The following CYP39A1 variants were observed in gnomAD, a reference collection of about 807,000 sequenced individuals.
CYP39A1 encodes 24-hydroxycholesterol 7-alpha-hydroxylase.
CYP39A1 carries 49 observed loss-of-function variants against 58.1 expected under a neutral mutation model. That is an observed-to-expected ratio of 0.84 (90% CI 0.67 to 1.07). The LOEUF (loss-of-function observed/expected upper bound fraction) is 1.07. Ranked by LOEUF, CYP39A1 falls within the 50% of genes least tolerant of loss-of-function variation. The probability of loss-of-function intolerance (pLI) is 0.00; values close to 1 mark genes in which losing one functional copy is unlikely to be tolerated. For missense variants in CYP39A1, 531 were observed against 539.4 expected (o/e 0.98, Z 0.16); for synonymous variants, 209 against 187.6 (o/e 1.11, Z -0.93).
intron 7 of CYP39A1, among the ~76,000 whole-genome samples, chr6:46,614,500 G>A (rs1257334640): frequency 6.6e-6 from 1 of 152,052 alleles, no homozygotes; most frequent in Non-Finnish European, 1.5e-5. Context: ...AAAGTCCACT[G>A]TACATTGATC....
intron 7 of CYP39A1, among the ~76,000 whole-genome samples, chr6:46,602,413 C>A (rs1281236319): frequency 1.3e-5 from 2 of 152,014 alleles, no homozygotes; most frequent in Non-Finnish European, 2.9e-5. Flanking sequence ...TGCAGGGATC[C>A]AAAAGTTTCT....
At chr6:46,606,434 G>A (rs539438602) in intron 7 of CYP39A1, among the ~76,000 whole-genome samples, 7 of 152,170 alleles carry the variant, frequency 4.6e-5, no homozygotes, top group South Asian at 4.2e-4. Context: ...AAATAGCTCC[G>A]TACCCATACT....
intron 7 of CYP39A1, among the ~76,000 whole-genome samples, chr6:46,606,921 A>G (rs943381906): frequency 2.0e-5 from 3 of 152,208 alleles, no homozygotes; most frequent in Non-Finnish European, 4.4e-5. Context: ...TATAAGAGAT[A>G]GGGAGGAAAT....
At chr6:46,608,301 G>T (rs978804353) in intron 7 of CYP39A1, among the ~76,000 whole-genome samples, 2 of 152,128 alleles carry the variant, frequency 1.3e-5, no homozygotes, top group Non-Finnish European at 2.9e-5. Flanking sequence ...TAACTGTTCA[G>T]ATTTCTGGCT....
At position 46,652,813 on chromosome 6, in the gene CYP39A1, A is replaced by T; in HGVS notation, c.-231T>A. 1 of 496,176 alleles carries T rather than the reference A, an allele frequency of 2.0e-6. No homozygotes were observed. The highest frequency in any genetic ancestry group is 3.4e-5 in the South Asian group (1 of 29,354). 30.7% of individuals were successfully genotyped at this position (496,176 alleles called of 1,614,324 possible). ...CTTTGAATCTCAGCCAGCGCGGAAA[A>T]AATGCAAGGAGGGGCAGGGCCGGGC... On this transcript the variant is annotated 5_prime_UTR_variant, in exon 1 of 12. Transcript: ENST00000275016.
chr6:46,551,604 T>C (rs1351052713), intron 11 of CYP39A1, among the ~76,000 whole-genome samples: 3 of 152,198 alleles, frequency 2.0e-5, no homozygotes, highest in African/African-American at 7.2e-5. Flanking sequence ...TAAGGCCTTT[T>C]GAGGTAAAAT....
At chr6:46,623,302 T>C (rs9296501) in intron 7 of CYP39A1, among the ~76,000 whole-genome samples, 29,051 of 152,004 alleles carry the variant, frequency 0.19, 2,988 homozygotes, top group African/African-American at 0.27. Flanking sequence ...CCCTCCTATA[T>C]GTGGGTGGGT....
chr6:46,583,402 A>C (rs540209509), intron 10 of CYP39A1: 1 of 985,218 alleles, frequency 1.0e-6, no homozygotes, highest in Non-Finnish European at 1.2e-6. Context: ...AAGATCATCA[A>C]CTCTCAGAGG....
At chr6:46,607,201 C>A (rs1773899832) in intron 7 of CYP39A1, among the ~76,000 whole-genome samples, 2 of 151,982 alleles carry the variant, frequency 1.3e-5, no homozygotes, top group Admixed American at 1.3e-4. Flanking sequence ...AGAACACACA[C>A]AAAAAATACC....
chr6:46,603,459 C>G (rs780600529), intron 7 of CYP39A1, among the ~76,000 whole-genome samples: 1 of 152,148 alleles, frequency 6.6e-6, no homozygotes, highest in Non-Finnish European at 1.5e-5. Context: ...ATCAAAGACC[C>G]AAAAGAATGC....
chr6:46,630,416 A>T (rs192608898), intron 6 of CYP39A1, among the ~76,000 whole-genome samples: 126 of 152,278 alleles, frequency 8.3e-4, no homozygotes, highest in Non-Finnish European at 9.7e-4. Flanking sequence ...TGGGAGGTTC[A>T]CATACATTAT....
chr6:46,583,399 T>C, intron 10 of CYP39A1: 1 of 985,380 alleles, frequency 1.0e-6, no homozygotes, highest in Non-Finnish European at 1.2e-6. Context: ...CCTAAGATCA[T>C]CAACTCTCAG....
Position 46,652,817 on chromosome 6 carries a change from G to C in CYP39A1, c.-235C>G, listed in dbSNP as rs890015235. 4.0e-6 allele frequency: 2 copies of C among 496,764 alleles called. No individual in the cohort carries two copies. The highest frequency in any genetic ancestry group is 6.7e-5 in the East Asian group (2 of 29,680). The allele number at this position is 496,764 out of a possible 1,614,324, so 30.8% of individuals were successfully genotyped here. ...GAATCTCAGCCAGCGCGGAAAAAAT[G>C]CAAGGAGGGGCAGGGCCGGGCTAGG... On this transcript the variant is annotated 5_prime_UTR_variant, in exon 1 of 12. Transcript: ENST00000275016.
intron 10 of CYP39A1, among the ~76,000 whole-genome samples, chr6:46,562,903 G>T (rs113195297): frequency 6.6e-6 from 1 of 151,818 alleles, no homozygotes; most frequent in African/African-American, 2.4e-5. Flanking sequence ...TGTACATTTT[G>T]AATTTGTGTG....
rs34991519 is a variant in CYP39A1 at position 46,553,073 on chromosome 6, CAA to C, written c.1338+692_1338+693del. ...AACAAATAAAAAACAACCCCCCAACCAAAAAAAAAAAAAAAAAAAAAGGAAAG... is the reference window on the plus strand; with the variant it reads ...AACAAATAAAAAACAACCCCCCAACCAAAAAAAAAAAAAAAAAAAGGAAAG... On this transcript the variant is annotated intron_variant, in intron 11 of 11. Coordinates refer to ENST00000275016, the MANE Select transcript of CYP39A1 (RefSeq NM_016593.5). Among the ~76,000 whole-genome samples, 478 of 81,350 alleles carry C rather than the reference CAA, an allele frequency of 5.9e-3. 6 individuals are homozygous for C. Among genetic ancestry groups the C allele is most frequent in the African/African-American group, 0.019 (415 of 21,720 alleles). The allele number at this position is 81,350 out of a possible 152,430, so 53.4% of individuals were successfully genotyped here.
intron 10 of CYP39A1, among the ~76,000 whole-genome samples, chr6:46,564,215 A>G (rs1771156645): frequency 6.7e-6 from 1 of 148,756 alleles, no homozygotes; most frequent in Admixed American, 6.8e-5. Context: ...ATTTTAAGAC[A>G]GAGTCTCCCT....
Position 46,551,369 on chromosome 6 carries a change from G to GAAA in CYP39A1, c.1339-935_1339-933dup, listed in dbSNP as rs200719212. On this transcript the variant is annotated intron_variant, in intron 11 of 11. Transcript: ENST00000275016. Reference sequence around the variant, plus strand: ...GTTCTATGAACCCCAAAAGTAAAATGAAAAAAAAAAAAAAACAACCATACA... The same window carrying GAAA: ...GTTCTATGAACCCCAAAAGTAAAATGAAAAAAAAAAAAAAAAAACAACCATACA... Among the ~76,000 whole-genome samples the GAAA allele has an allele frequency of 1.3e-3, 132 of 100,304 alleles. 1 individual carries two copies. The highest frequency in any genetic ancestry group is 5.3e-3 in the East Asian group (18 of 3,380). The allele number at this position is 100,304 out of a possible 152,430, so 65.8% of individuals were successfully genotyped here.
chr6:46,551,369 G>GAAAAA (rs200719212), intron 11 of CYP39A1, among the ~76,000 whole-genome samples: 1 of 100,300 alleles, frequency 1.0e-5, no homozygotes, highest in Non-Finnish European at 2.2e-5. Flanking sequence ...AAAGTAAAAT[G>GAAAAA]AAAAAAAAAA....
intron 6 of CYP39A1, among the ~76,000 whole-genome samples, chr6:46,629,434 GA>G (rs1450003216): frequency 6.6e-6 from 1 of 152,126 alleles, no homozygotes; most frequent in Non-Finnish European, 1.5e-5. Flanking sequence ...ATTATTTAAG[GA>G]AAAACCAGAG....
Sources: gnomAD v4.1 joint callset for allele counts (sites outside exome capture counted in the v4.1 genomes callset) on GRCh38, gnomAD v4.1.1 for gene constraint, MANE v1.5 for transcripts, NCBI Gene and HGNC (gene_info 2026-07-23, HGNC 2026-07-21) for gene names.